Variants in ZNF622 observed in about 807,000 individuals in gnomAD.
The protein encoded by ZNF622 is zinc finger protein 622, also known as cytoplasmic 60S subunit biogenesis factor ZNF622.
In ZNF622, 34 loss-of-function variants were observed where a neutral mutation model predicts 49.7. The ratio of observed to expected loss-of-function variants is 0.68; its 90% CI spans 0.52 to 0.91. The LOEUF is 0.91. Among genes scored for constraint, ZNF622 ranks in the 40% least tolerant of loss-of-function variants. The pLI, the probability that ZNF622 is intolerant of heterozygous loss-of-function variation, is 0.00. For synonymous variants in ZNF622, 209 were observed against 228.7 expected (o/e 0.91, Z 0.78); for missense variants, 569 against 616.4 (o/e 0.92, Z 0.81).
In ZNF622 at chr5:16,455,261, T is replaced by C. The variant is rs1014282670; in HGVS notation, c.1163-2105A>G. On this transcript the variant is annotated intron_variant, in intron 4 of 5. Transcript: ENST00000308683. ...TTGTGTAAAAAGACCATGAACCAGA[T>C]ACTATAAATATTGTGGAAGTCTGTA... Among the ~76,000 whole-genome samples, 3 of 152,240 alleles carry C rather than the reference T, an allele frequency of 2.0e-5. No individual in the cohort carries two copies. The South Asian group carries it at 6.2e-4, about 31-fold the overall frequency.
At position 16,465,753 on chromosome 5, in the gene ZNF622, C is replaced by T. The variant is rs1738212551; in HGVS notation, c.-88G>A. The T allele has an allele frequency of 6.7e-7, 1 of 1,496,738 alleles. No individual in the cohort carries two copies. The highest frequency in any genetic ancestry group is 2.3e-5 in the Admixed American group (1 of 42,882). 92.7% of individuals were successfully genotyped at this position (1,496,738 alleles called of 1,614,324 possible). A position where few individuals can be genotyped will look rare whatever the true frequency, so the allele number is the denominator to read the frequency against. On this transcript the variant is annotated 5_prime_UTR_variant, in exon 1 of 6. Transcript: ENST00000308683. The surrounding 1 kb of genome is among the most constrained non-coding windows in gnomAD (Gnocchi z 6.2). ...AAGACCCTCAGACCTTAACCCGCCTCAGCAGCCAGGAAGAGCCACTCGACA... is the reference window on the plus strand; with the variant it reads ...AAGACCCTCAGACCTTAACCCGCCTTAGCAGCCAGGAAGAGCCACTCGACA...
intron 3 of ZNF622, among the ~76,000 whole-genome samples, chr5:16,461,129 G>GTGAA (rs1465040123): frequency 6.6e-6 from 1 of 152,252 alleles, no homozygotes; most frequent in Non-Finnish European, 1.5e-5. Flanking sequence ...GACAAGTCAA[G>GTGAA]TGAATATCTA....
At chr5:16,462,690 A>G (rs905315272) in intron 3 of ZNF622, among the ~76,000 whole-genome samples, 2 of 152,166 alleles carry the variant, frequency 1.3e-5, no homozygotes, top group East Asian at 3.9e-4. Context: ...TGAACCACCA[A>G]TGGGGTAATC....
chr5:16,453,240 A>T, intron 4 of ZNF622, 84 bp from the exon 5 acceptor site: 1 of 1,284,600 alleles, frequency 7.8e-7, no homozygotes, highest in South Asian at 2.9e-5. Context: ...TTTCCAAATC[A>T]GATCTTTTAG....
Position 16,463,392 on chromosome 5 carries a change from T to A in ZNF622, c.886+90A>T. On this transcript the variant is annotated intron_variant, in intron 2 of 5. Coordinates refer to ENST00000308683, the MANE Select transcript of ZNF622 (RefSeq NM_033414.3). The surrounding 1 kb of genome is among the most constrained non-coding windows in gnomAD (Gnocchi z 4.2). The stretch of plus-strand genomic sequence containing the variant: ...ATAACCAAGCAATTATATCAAAGAT[T>A]GATGAAAAATGCAAAACTAATGTTC... 1 of 1,502,862 alleles carries A rather than the reference T, an allele frequency of 6.7e-7. No individual in the cohort carries two copies. Among genetic ancestry groups the A allele is most frequent in the Admixed American group, 2.1e-5 (1 of 46,868 alleles). 93.1% of individuals were successfully genotyped at this position (1,502,862 alleles called of 1,614,324 possible). A position where few individuals can be genotyped will look rare whatever the true frequency, so the allele number is the denominator to read the frequency against.
chr5:16,452,135 G>A (rs932343511), intron 5 of ZNF622, among the ~76,000 whole-genome samples: 14 of 152,156 alleles, frequency 9.2e-5, no homozygotes, highest in African/African-American at 3.1e-4. Context: ...ATGAAGTCAA[G>A]TCTCTGCCAG....
rs1738069380 is a variant in ZNF622 at position 16,458,550 on chromosome 5, C to T, written c.1129G>A (p.Asp377Asn). ...ELPSEKNLEY[D>N]DETMELILPS... is the part of the protein sequence containing the mutation. ...AGAATCAATTCCATGGTTTCATCAT[C>T]ATATTCCAAGTTCTTTTCTGAGGGC... Residue 377 changes from aspartate (D) to asparagine (N), a missense_variant, in exon 4 of 6, where the codon GAT becomes AAT. Transcript: ENST00000308683. The T allele has an allele frequency of 6.2e-7, 1 of 1,613,682 alleles. No homozygotes were observed. The highest frequency in any genetic ancestry group is 1.7e-5 in the Admixed American group (1 of 59,966).
Position 16,453,057 on chromosome 5 carries a change from C to T in ZNF622, c.1262G>A (p.Arg421Gln), listed in dbSNP as rs776148460. 16 of 1,574,350 alleles carry T rather than the reference C, an allele frequency of 1.0e-5. No homozygotes were observed. Among genetic ancestry groups the T allele is most frequent in the Admixed American group, 3.6e-5 (2 of 55,580 alleles). ...CAGGGCTCTGTACTGCTGAAGTACT[C>T]GGCCCACGGCCTTCCGATTTTTGGC... ...AVAKNRKAVG[R>Q]VLQQYRALGW... Residue 421 changes from arginine (R) to glutamine (Q), a missense_variant, in exon 5 of 6, where the codon CGA becomes CAA. Physicochemically the swap from Arg to Gln is conservative, Grantham distance 43. Transcript: ENST00000308683.
In ZNF622 at chr5:16,465,256, T is replaced by C. The variant is rs774877987; in HGVS notation, c.410A>G (p.Lys137Arg). ...AMNAAIQQAI[K>R]AQPSMSPKKA... Reference sequence around the variant, plus strand: ...CTTGGGAGACATGGACGGCTGGGCCTTGATGGCCTGCTGGATGGCCGCGTT... The same window carrying C: ...CTTGGGAGACATGGACGGCTGGGCCCTGATGGCCTGCTGGATGGCCGCGTT... Residue 137 changes from lysine (K) to arginine (R), a missense_variant, in exon 1 of 6, where the codon AAG (lysine) becomes AGG (arginine). Transcript: ENST00000308683. This position sits in a 1 kb window ranked among gnomAD's most constrained non-coding sequence, Gnocchi z 6.2. The C allele has an allele frequency of 1.2e-5, 19 of 1,614,130 alleles. No individual in the cohort carries two copies. The East Asian group carries it at 1.8e-4, about 15-fold the overall frequency.
intron 4 of ZNF622, among the ~76,000 whole-genome samples, chr5:16,456,410 C>T (rs985723511): frequency 2.0e-5 from 3 of 152,210 alleles, no homozygotes; most frequent in African/African-American, 7.2e-5. Flanking sequence ...TAAATGCTCA[C>T]AGTGCCCTCT....
rs993808766 is a variant in ZNF622 at position 16,462,379 on chromosome 5, G to C, written c.1049+729C>G. Among the ~76,000 whole-genome samples the C allele has an allele frequency of 2.6e-5, 4 of 152,264 alleles. No individual in the cohort carries two copies. The East Asian group carries it at 7.7e-4, about 29-fold the overall frequency. On this transcript the variant is annotated intron_variant, in intron 3 of 5. Transcript: ENST00000308683. ...ACAAAAAAATTCAAGATTCTAGTTA[G>C]GGCCGGGCATGGTATCTCACACCTG... is the stretch of plus-strand genomic sequence containing the variant.
intron 3 of ZNF622, among the ~76,000 whole-genome samples, chr5:16,462,804 C>T (rs1435384579): frequency 6.6e-6 from 1 of 152,152 alleles, no homozygotes; most frequent in Non-Finnish European, 1.5e-5. Flanking sequence ...TATGTGAAAC[C>T]TAATTTCTGT....
intron 4 of ZNF622, among the ~76,000 whole-genome samples, chr5:16,455,440 CAA>C (rs1268805292): frequency 3.3e-5 from 5 of 152,312 alleles, no homozygotes; most frequent in African/African-American, 1.2e-4. Flanking sequence ...TCATCATACT[CAA>C]GAGATGACAA....
At chr5:16,460,560 CT>C (rs879747026) in intron 3 of ZNF622, among the ~76,000 whole-genome samples, 64 of 146,558 alleles carry the variant, frequency 4.4e-4, no homozygotes, top group African/African-American at 8.0e-4. Flanking sequence ...GCATTATCAA[CT>C]TTTTTTTTTT....
intron 4 of ZNF622, among the ~76,000 whole-genome samples, chr5:16,454,249 AGTCCTAG>A (rs1485517972): frequency 6.6e-6 from 1 of 152,112 alleles, no homozygotes; most frequent in East Asian, 1.9e-4. Context: ...GCACTTTGGG[AGTCCTAG>A]GTGGACGGAT....
intron 3 of ZNF622, among the ~76,000 whole-genome samples, chr5:16,459,352 CA>C (rs1379761001): frequency 6.6e-6 from 1 of 152,086 alleles, no homozygotes; most frequent in East Asian, 1.9e-4. Flanking sequence ...AATGAATATG[CA>C]AAAAGCCTCT....
chr5:16,454,771 C>G (rs1287965612), intron 4 of ZNF622, among the ~76,000 whole-genome samples: 1 of 152,170 alleles, frequency 6.6e-6, no homozygotes, highest in Non-Finnish European at 1.5e-5. Flanking sequence ...GTGCTTGCTA[C>G]AACAGCAGAG....
At chr5:16,452,085 C>T (rs982849347) in intron 5 of ZNF622, among the ~76,000 whole-genome samples, 7 of 152,104 alleles carry the variant, frequency 4.6e-5, no homozygotes, top group Admixed American at 2.6e-4. Flanking sequence ...AAGGCAGAAG[C>T]TATATATCGA....
intron 3 of ZNF622, among the ~76,000 whole-genome samples, chr5:16,460,024 T>C (rs1319876903): frequency 3.3e-5 from 5 of 152,164 alleles, no homozygotes; most frequent in Non-Finnish European, 7.4e-5. Context: ...CCATGGGGGA[T>C]TGCTTCCAGG....
Sources: allele counts gnomAD v4.1 joint callset (sites outside exome capture counted in the v4.1 genomes callset), GRCh38; gene constraint gnomAD v4.1.1; non-coding constraint Gnocchi (gnomAD v3.1); transcripts MANE v1.5; gene names NCBI Gene and HGNC (gene_info 2026-07-23, HGNC 2026-07-21).